PER3: variants seen among roughly 807,000 people sequenced by gnomAD.
PER3 encodes period circadian regulator 3, also known as period circadian protein homolog 3.
A neutral mutation model predicts 127.2 loss-of-function variants in PER3; 107 were observed. The observed-to-expected ratio is 0.84, with a 90% confidence interval of 0.72 to 0.99. PER3 has a LOEUF of 0.99. PER3 is among the 50% of genes least tolerant of loss of function. PER3 has a pLI of 0.00. For missense variants in PER3, 1,560 were observed against 1,525.8 expected (o/e 1.02, Z -0.37); for synonymous variants, 618 against 585.8 (o/e 1.05, Z -0.79).
At chr1:7,805,753 C>T (rs1227230498) in intron 10 of PER3, among the ~76,000 whole-genome samples, 3 of 152,122 alleles carry the variant, frequency 2.0e-5, no homozygotes, top group East Asian at 1.9e-4. Flanking sequence ...ATCTGGGGCT[C>T]GTTGATGGTC....
intron 19 of PER3, among the ~76,000 whole-genome samples, chr1:7,834,080 G>A (rs949918548): frequency 4.6e-5 from 7 of 151,900 alleles, no homozygotes; most frequent in African/African-American, 1.2e-4. Context: ...GCACCACCAC[G>A]CCTAATTTTT....
At chr1:7,797,617 C>T (rs2097151265) in intron 6 of PER3, among the ~76,000 whole-genome samples, 1 of 141,802 alleles carries the variant, frequency 7.1e-6, no homozygotes, top group South Asian at 2.2e-4. Context: ...GCCTGGGCAA[C>T]AGAGCGAGAC....
intron 12 of PER3, 81 bp downstream of exon 12, chr1:7,810,102 T>A (rs1273748752): frequency 7.5e-7 from 1 of 1,338,626 alleles, no homozygotes; most frequent in Non-Finnish European, 1.0e-6. Flanking sequence ...GACATCTTAG[T>A]ATATATTCCT....
chr1:7,827,242 G>T lies in PER3; in HGVS notation c.2313G>T (p.Ala771=), dbSNP rs764305920. 1.2e-6 allele frequency: 2 copies of T among 1,613,836 alleles called. No individual in the cohort carries two copies. The highest frequency in any genetic ancestry group is 1.7e-6 in the Non-Finnish European group (2 of 1,179,890). Residue 771 remains alanine, a synonymous_variant, in exon 18 of 22, where the codon GCG becomes GCT. Transcript: ENST00000377532. ...CCGGCTCTGGTCCCCGCAGGGGAGCGCATCAGAACGCACAGCCCTGCTGCC... is the reference window on the plus strand; with the variant it reads ...CCGGCTCTGGTCCCCGCAGGGGAGCTCATCAGAACGCACAGCCCTGCTGCC... The part of the protein sequence containing the change: ...SNTGSGPRRG[A]HQNAQPCCPS...
At chr1:7,818,590 T>C (rs2097262018) in intron 13 of PER3, among the ~76,000 whole-genome samples, 1 of 152,236 alleles carries the variant, frequency 6.6e-6, no homozygotes, top group Non-Finnish European at 1.5e-5. Context: ...TCATTGTCCT[T>C]TATAGGAAGT....
chr1:7,788,409 C>T, intron 5 of PER3, 163 bp downstream of exon 5: 1 of 600,968 alleles, frequency 1.7e-6, no homozygotes, highest in South Asian at 2.1e-5. Flanking sequence ...ATTTTAAAAG[C>T]TTCTGATAAC....
rs574069699 is a variant in PER3 at position 7,843,511 on chromosome 1, C to G, written c.*756C>G. 1 of 152,306 alleles carries G rather than the reference C, an allele frequency of 6.6e-6. No homozygotes were observed. Among genetic ancestry groups the G allele is most frequent in the Non-Finnish European group, 1.5e-5 (1 of 68,044 alleles). 9.4% of individuals were successfully genotyped at this position (152,306 alleles called of 1,614,324 possible). A position where few individuals can be genotyped will look rare whatever the true frequency, so the allele number is the denominator to read the frequency against. ...AAGAGCTTCTTACCCAGTGCTGTTGCCCTTTTGAGTATTTTTGTTTTTAAA... is the reference window on the plus strand; with the variant it reads ...AAGAGCTTCTTACCCAGTGCTGTTGGCCTTTTGAGTATTTTTGTTTTTAAA... On this transcript the variant is annotated 3_prime_UTR_variant, in exon 22 of 22. Transcript: ENST00000377532.
intron 21 of PER3, among the ~76,000 whole-genome samples, chr1:7,841,656 C>T (rs2097389766): frequency 6.6e-6 from 1 of 152,118 alleles, no homozygotes; most frequent in Admixed American, 6.5e-5. Context: ...AGACAGAGTC[C>T]TAGTCTTCCT....
At chr1:7,827,891 T>G in intron 18 of PER3, 76 bp downstream of exon 18, 1 of 1,140,432 alleles carries the variant, frequency 8.8e-7, no homozygotes, top group Non-Finnish European at 1.3e-6. Flanking sequence ...GCGTTGGGAC[T>G]CAGTGCTGAC....
chr1:7,842,039 T>A (rs1361479015), intron 21 of PER3, among the ~76,000 whole-genome samples: 2 of 152,186 alleles, frequency 1.3e-5, no homozygotes, highest in Non-Finnish European at 2.9e-5. Context: ...TCCTGAATAC[T>A]GTAGGCCGTT....
At chr1:7,839,007 AT>A (rs891200785) in intron 21 of PER3, among the ~76,000 whole-genome samples, 60 of 98,404 alleles carry the variant, frequency 6.1e-4, no homozygotes, top group East Asian at 1.6e-3. Flanking sequence ...TGCCATAAAG[AT>A]TTTTTTTTCC....
At chr1:7,800,715 T>A (rs2097166838) in intron 7 of PER3, among the ~76,000 whole-genome samples, 1 of 151,700 alleles carries the variant, frequency 6.6e-6, no homozygotes, top group Admixed American at 6.6e-5. Flanking sequence ...TAATCCCAGC[T>A]ACTTGGGAGG....
At chr1:7,841,028 GT>G (rs1350546618) in intron 21 of PER3, among the ~76,000 whole-genome samples, 1 of 152,206 alleles carries the variant, frequency 6.6e-6, no homozygotes, top group Non-Finnish European at 1.5e-5. Context: ...TACCAAGGGT[GT>G]CCAATCTTTT....
intron 10 of PER3, 97 bp downstream of exon 10, chr1:7,803,945 CTAAA>C: frequency 1.0e-6 from 1 of 953,298 alleles, no homozygotes; most frequent in Non-Finnish European, 1.6e-6. Flanking sequence ...GACACATAAA[CTAAA>C]TAAAGCACAG....
At position 7,827,761 on chromosome 1, in the gene PER3, A is replaced by G; in HGVS notation, c.2832A>G (p.Arg944=). Residue 944 remains arginine (R), a synonymous_variant, in exon 18 of 22, where the codon AGA becomes AGG. Transcript: ENST00000377532. ...QLNLLQEEMP[R]PSESPDQMRR... Reference sequence around the variant, plus strand: ...ACTTACTTCAGGAAGAGATGCCCAGACCCTCTGAATCTCCAGATCAGATGA... The same window carrying G: ...ACTTACTTCAGGAAGAGATGCCCAGGCCCTCTGAATCTCCAGATCAGATGA... 6.2e-7 allele frequency: 1 copy of G among 1,613,916 alleles called. No homozygotes were observed. The highest frequency in any genetic ancestry group is 8.5e-7 in the Non-Finnish European group (1 of 1,179,968).
At position 7,785,459 on chromosome 1, in the gene PER3, CAG is replaced by C. The variant is rs765440293; in HGVS notation, c.150_151del (p.Arg50SerfsTer3). On this transcript the variant is annotated frameshift_variant, in exon 3 of 22. Coordinates refer to ENST00000377532, the MANE Select transcript of PER3 (RefSeq NM_001377275.1). LOFTEE classifies it high-confidence loss of function. ...CTTCCAGTGAACAGCAAGATCGAAACAGAGTTTCTGAAGAACTTATCATGGTT... is the reference window on the plus strand; with the variant it reads ...CTTCCAGTGAACAGCAAGATCGAAACAGTTTCTGAAGAACTTATCATGGTT... ...SSHSEQQDRN[R>X]VSEELIMVVQ... is the part of the protein sequence containing the mutation. The C allele has an allele frequency of 3.7e-6, 6 of 1,612,606 alleles. No homozygotes were observed. Among genetic ancestry groups the C allele is most frequent in the South Asian group, 3.3e-5 (3 of 91,026 alleles).
chr1:7,793,453 A>G (rs2097130930), intron 5 of PER3, among the ~76,000 whole-genome samples: 1 of 152,240 alleles, frequency 6.6e-6, no homozygotes, highest in Admixed American at 6.5e-5. Flanking sequence ...ATAAAGTCAT[A>G]AAACGATTCT....
At chr1:7,791,386 A>G (rs2097120346) in intron 5 of PER3, among the ~76,000 whole-genome samples, 1 of 152,202 alleles carries the variant, frequency 6.6e-6, no homozygotes. Flanking sequence ...CCTTTTAGCC[A>G]TGGCTGGAGG....
Position 7,842,810 on chromosome 1 carries a change from C to G in PER3, c.*55C>G, listed in dbSNP as rs1478523341. On this transcript the variant is annotated 3_prime_UTR_variant, in exon 22 of 22. Transcript: ENST00000377532. The stretch of plus-strand genomic sequence containing the variant: ...TTCCAAGACGTGTTACACAGACAGA[C>G]CTTTTTAAGTCCTGGACTTTTAAAT... The G allele has an allele frequency of 2.7e-5, 40 of 1,489,958 alleles. No individual in the cohort carries two copies. The highest frequency in any genetic ancestry group is 3.5e-5 in the Non-Finnish European group (38 of 1,081,838). 92.3% of individuals were successfully genotyped at this position (1,489,958 alleles called of 1,614,324 possible).
Sources: allele counts gnomAD v4.1 joint callset (sites outside exome capture counted in the v4.1 genomes callset), GRCh38; gene constraint gnomAD v4.1.1; transcripts MANE v1.5; gene names NCBI Gene and HGNC (gene_info 2026-07-23, HGNC 2026-07-21).